COMMD1: variants seen among roughly 807,000 people sequenced by gnomAD.
COMMD1 encodes the protein copper metabolism domain containing 1, also known as COMM domain-containing protein 1.
Under a neutral mutation model 17.2 loss-of-function variants are expected in COMMD1, and 10 were observed. The observed-to-expected ratio is 0.58, with a 90% CI of 0.36 to 0.99. The LOEUF (loss-of-function observed/expected upper bound fraction) is 0.99, where lower values mean the gene tolerates loss of function less well. Ranked by LOEUF, COMMD1 falls within the 50% of genes least tolerant of loss-of-function variation. The pLI, the probability that COMMD1 is intolerant of heterozygous loss-of-function variation, is 0.01. For synonymous variants in COMMD1, 97 were observed against 91.6 expected (o/e 1.06, Z -0.34); for missense variants, 270 against 231.8 (o/e 1.17, Z -1.07).
Position 62,000,720 on chromosome 2 carries a change from T to C in COMMD1, c.200T>C (p.Met67Thr). 1 of 1,614,158 alleles carries C rather than the reference T, an allele frequency of 6.2e-7. No individual in the cohort carries two copies. Among genetic ancestry groups the C allele is most frequent in the Non-Finnish European group, 8.5e-7 (1 of 1,180,036 alleles). Residue 67 changes from methionine (M) to threonine (T), a missense_variant, in exon 2 of 3, where the codon ATG becomes ACG. Coordinates refer to ENST00000311832, the MANE Select transcript of COMMD1 (RefSeq NM_152516.4). ...TTATAGTCTATTGCGTCTGCAGACA[T>C]GGATTTCAACCAGCTGGAGGCATTC... ...GILKSIASAD[M>T]DFNQLEAFLT...
At chr2:62,055,349 C>G in intron 2 of COMMD1, 3 of 444,162 alleles carry the variant, frequency 6.8e-6, no homozygotes, top group South Asian at 3.2e-5. Context: ...GGGAAAGACC[C>G]AATGATGAGA....
intron 2 of COMMD1, among the ~76,000 whole-genome samples, chr2:62,045,246 T>A (rs1437297496): frequency 1.3e-5 from 2 of 152,150 alleles, no homozygotes; most frequent in African/African-American, 2.4e-5. Flanking sequence ...ACAGGACCAG[T>A]TGAGCCATGA....
At chr2:62,026,475 C>T (rs570495899) in intron 2 of COMMD1, among the ~76,000 whole-genome samples, 37 of 152,268 alleles carry the variant, frequency 2.4e-4, no homozygotes, top group Admixed American at 8.5e-4. Flanking sequence ...TCTGCCCCCT[C>T]GACCCAAACA....
upstream of COMMD1, among the ~76,000 whole-genome samples, chr2:61,903,658 T>C (rs1417212691): frequency 1.3e-5 from 2 of 151,568 alleles, no homozygotes; most frequent in African/African-American, 4.8e-5. Flanking sequence ...GTTCAAGCAA[T>C]TCTCCTGCCT....
intron 2 of COMMD1, among the ~76,000 whole-genome samples, chr2:62,065,691 T>C (rs571887197): frequency 6.6e-6 from 1 of 152,312 alleles, no homozygotes; most frequent in South Asian, 2.1e-4. Flanking sequence ...TTACCAGAAA[T>C]AGTACCATTT....
At chr2:62,080,097 A>G (rs1272326265) in intron 2 of COMMD1, among the ~76,000 whole-genome samples, 1 of 152,164 alleles carries the variant, frequency 6.6e-6, no homozygotes, top group Non-Finnish European at 1.5e-5. Context: ...GTACCTACCT[A>G]TGGTAAGAAT....
chr2:62,018,649 A>G (rs1669520778), intron 2 of COMMD1, among the ~76,000 whole-genome samples: 1 of 152,232 alleles, frequency 6.6e-6, no homozygotes, highest in South Asian at 2.1e-4. Flanking sequence ...ATATATATGT[A>G]CATTATGAAA....
chr2:62,046,982 C>T (rs1345865559), intron 2 of COMMD1, among the ~76,000 whole-genome samples: 3 of 152,194 alleles, frequency 2.0e-5, no homozygotes, highest in Non-Finnish European at 4.4e-5. Context: ...GAGTTCCTTG[C>T]TTGAGGAAGA....
At chr2:61,926,862 T>C (rs929985154) in intron 1 of COMMD1, among the ~76,000 whole-genome samples, 4 of 152,134 alleles carry the variant, frequency 2.6e-5, no homozygotes, top group Non-Finnish European at 5.9e-5. Flanking sequence ...GGAAGAAGTA[T>C]AGGCCACAGG....
chr2:62,104,508 C>T (rs1303531755), intron 2 of COMMD1, among the ~76,000 whole-genome samples: 1 of 151,612 alleles, frequency 6.6e-6, no homozygotes, highest in Non-Finnish European at 1.5e-5. Flanking sequence ...GTGATGGGCA[C>T]CTGTAATCCC....
At chr2:61,935,174 C>G (rs1670572377) in intron 1 of COMMD1, among the ~76,000 whole-genome samples, 2 of 152,102 alleles carry the variant, frequency 1.3e-5, no homozygotes, top group South Asian at 4.1e-4. Flanking sequence ...CTAGTGACTT[C>G]AAGTCAGGAG....
At chr2:62,069,852 C>T (rs926887182) in intron 2 of COMMD1, 7 of 152,078 alleles carry the variant, frequency 4.6e-5, no homozygotes, top group African/African-American at 7.2e-5. Context: ...TGTTGGCTCT[C>T]GATTATTCTT....
chr2:61,933,642 C>A (rs538385500), intron 1 of COMMD1, among the ~76,000 whole-genome samples: 26 of 152,242 alleles, frequency 1.7e-4, no homozygotes, highest in African/African-American at 6.3e-4. Flanking sequence ...AAGGCTCTCA[C>A]CAGGTACAGC....
At chr2:62,005,223 G>A (rs1046204263) in intron 2 of COMMD1, among the ~76,000 whole-genome samples, 11 of 152,198 alleles carry the variant, frequency 7.2e-5, no homozygotes, top group Admixed American at 5.2e-4. Context: ...AATTGGATTT[G>A]ATGTGTTAAT....
At position 62,128,690 on chromosome 2, in the gene COMMD1, C is replaced by T. The variant is rs79142865; in HGVS notation, c.463-7141C>T. ...TTTCAAGACCAGGCACGGTGGCTCACGCCCGTAATCCCAGCACTTTGGGAG... is the reference window on the plus strand; with the variant it reads ...TTTCAAGACCAGGCACGGTGGCTCATGCCCGTAATCCCAGCACTTTGGGAG... On this transcript the variant is annotated intron_variant, in intron 2 of 2. Transcript: ENST00000311832. 2.7e-3 allele frequency among the ~76,000 whole-genome samples: 407 copies of T among 152,084 alleles called. 15 individuals are homozygous for T. The East Asian group carries it at 0.069, about 26-fold the overall frequency.
intron 2 of COMMD1, among the ~76,000 whole-genome samples, chr2:62,027,528 G>C (rs1182050970): frequency 6.6e-6 from 1 of 152,018 alleles, no homozygotes; most frequent in Non-Finnish European, 1.5e-5. Flanking sequence ...ATTGAATATG[G>C]GCATTACTCT....
intron 1 of COMMD1, among the ~76,000 whole-genome samples, chr2:61,971,148 T>C (rs539519673): frequency 1.3e-5 from 2 of 152,320 alleles, no homozygotes; most frequent in South Asian, 2.1e-4. Context: ...CCTAAGGAAA[T>C]TGAACACTCG....
chr2:62,092,459 G>A (rs1671860628), intron 2 of COMMD1, among the ~76,000 whole-genome samples: 1 of 152,186 alleles, frequency 6.6e-6, no homozygotes, highest in African/African-American at 2.4e-5. Context: ...AAGTCCAGGG[G>A]CGGTCAGGAA....
upstream of COMMD1, among the ~76,000 whole-genome samples, chr2:61,903,268 A>G (rs969025688): frequency 1.3e-5 from 2 of 151,834 alleles, no homozygotes; most frequent in African/African-American, 4.8e-5. Context: ...ACATGGTGAA[A>G]CCCCTTCTCT....
Sources: allele counts gnomAD v4.1 joint callset (sites outside exome capture counted in the v4.1 genomes callset), GRCh38; gene constraint gnomAD v4.1.1; transcripts MANE v1.5; gene names NCBI Gene and HGNC (gene_info 2026-07-23, HGNC 2026-07-21).